The following EFCAB5 variants were observed in gnomAD, a reference collection of about 807,000 sequenced individuals.
The protein encoded by EFCAB5 is EF-hand calcium-binding domain-containing protein 5.
EFCAB5 carries 131 observed loss-of-function variants against 167.9 expected under a neutral mutation model. The ratio of observed to expected loss-of-function variants is 0.78; its 90% CI spans 0.68 to 0.90. EFCAB5 has a LOEUF of 0.90. Ranked by LOEUF, EFCAB5 falls within the 40% of genes least tolerant of loss-of-function variation. The pLI is 0.00. For synonymous variants in EFCAB5, 574 were observed against 602.8 expected, an observed-to-expected ratio of 0.95 and a Z score of 0.70; for missense variants, 1,663 against 1,745.2, an observed-to-expected ratio of 0.95 and a Z score of 0.84.
At chr17:29,946,942 C>T (rs530354690) in intron 3 of EFCAB5, among the ~76,000 whole-genome samples, 39 of 152,144 alleles carry the variant, frequency 2.6e-4, no homozygotes, top group Admixed American at 7.2e-4. Flanking sequence ...AACAGCACTT[C>T]GGAAGGCCAA....
intron 7 of EFCAB5, among the ~76,000 whole-genome samples, chr17:30,021,136 AT>A (rs539917047): frequency 0.015 from 2,253 of 145,792 alleles, 30 homozygotes; most frequent in Middle Eastern, 0.032. Flanking sequence ...ATAGGAAATA[AT>A]TTTTTTTTTT....
intron 9 of EFCAB5, among the ~76,000 whole-genome samples, chr17:30,052,001 G>A (rs1456882409): frequency 6.6e-6 from 1 of 151,746 alleles, no homozygotes; most frequent in African/African-American, 2.4e-5. Context: ...TACGTTTTCA[G>A]AGATGGGGTC....
chr17:29,986,636 CATTTTTTTT>C, intron 4 of EFCAB5, among the ~76,000 whole-genome samples: 1 of 87,980 alleles, frequency 1.1e-5, no homozygotes, highest in African/African-American at 5.5e-5. Flanking sequence ...GGAGTATATT[CATTTTTTTT>C]TTTTTTTTTT....
chr17:30,095,963 A>T (rs1040407967), intron 22 of EFCAB5, among the ~76,000 whole-genome samples: 7 of 152,168 alleles, frequency 4.6e-5, no homozygotes, highest in Admixed American at 2.0e-4. Flanking sequence ...CCATTTATTT[A>T]CAAGTTGCTC....
chr17:30,102,169 G>C (rs1426112628), intron 22 of EFCAB5, among the ~76,000 whole-genome samples: 2 of 151,006 alleles, frequency 1.3e-5, no homozygotes, highest in African/African-American at 2.5e-5. Flanking sequence ...GAGAGTGAGT[G>C]GGTAGGTGTG....
intron 14 of EFCAB5, chr17:30,068,826 T>C: frequency 7.1e-7 from 1 of 1,402,432 alleles, no homozygotes. Flanking sequence ...TGAGAGATTT[T>C]CTTCTGGAAC....
intron 4 of EFCAB5, among the ~76,000 whole-genome samples, chr17:29,971,107 A>T: frequency 6.6e-6 from 1 of 151,706 alleles, no homozygotes. Context: ...TAGGTTTTGT[A>T]TCTCTTTTAT....
intron 7 of EFCAB5, among the ~76,000 whole-genome samples, chr17:30,013,116 G>A (rs2068946943): frequency 6.6e-6 from 1 of 152,076 alleles, no homozygotes; most frequent in African/African-American, 2.4e-5. Context: ...ATTGATTTGT[G>A]TATGTTGAAC....
intron 3 of EFCAB5, among the ~76,000 whole-genome samples, chr17:29,959,236 C>T (rs761466411): frequency 2.0e-5 from 3 of 151,992 alleles, no homozygotes; most frequent in African/African-American, 4.8e-5. Flanking sequence ...TTCAGGGCAA[C>T]GAGTTCCTTT....
In EFCAB5 at chr17:29,943,667, C is replaced by T; in HGVS notation, c.190+18C>T. ...ATCCCAAGGTAGAGAACTAGCCTTTCTCTTATACAATAGAATCTAAAACTG... is the reference window on the plus strand; with the variant it reads ...ATCCCAAGGTAGAGAACTAGCCTTTTTCTTATACAATAGAATCTAAAACTG... On this transcript the variant is annotated intron_variant, in intron 3 of 22. Transcript: ENST00000394835. The T allele has an allele frequency of 1.9e-6, 3 of 1,555,158 alleles. No individual in the cohort carries two copies. The highest frequency in any genetic ancestry group is 2.6e-6 in the Non-Finnish European group (3 of 1,148,002).
chr17:29,971,252 C>T (rs1193538273), intron 4 of EFCAB5, among the ~76,000 whole-genome samples: 1 of 152,096 alleles, frequency 6.6e-6, no homozygotes, highest in East Asian at 1.9e-4. Context: ...TTGTACCCTG[C>T]TACCTTACTG....
chr17:30,044,065 A>G (rs2069850092), intron 8 of EFCAB5, among the ~76,000 whole-genome samples: 1 of 152,196 alleles, frequency 6.6e-6, no homozygotes, highest in Non-Finnish European at 1.5e-5. Flanking sequence ...CGGACCATAT[A>G]AAGACTCCTA....
At chr17:29,951,537 A>G (rs2060059317) in intron 3 of EFCAB5, among the ~76,000 whole-genome samples, 1 of 147,100 alleles carries the variant, frequency 6.8e-6, no homozygotes, top group African/African-American at 2.5e-5. Context: ...TTTTTTTTTT[A>G]GTAGAGACGG....
chr17:30,099,428 T>TA (rs56120836), intron 22 of EFCAB5, among the ~76,000 whole-genome samples: 46,358 of 149,740 alleles, frequency 0.31, 8,910 homozygotes, highest in East Asian at 0.81. Flanking sequence ...CTTAATCTCT[T>TA]AAAAAAAAAA....
At chr17:29,930,618 A>C (rs946101954) in intron 1 of EFCAB5, among the ~76,000 whole-genome samples, 1 of 152,084 alleles carries the variant, frequency 6.6e-6, no homozygotes, top group African/African-American at 2.4e-5. Flanking sequence ...CGGAGTTTCA[A>C]ACCCTCTCAC....
chr17:30,030,595 G>C (rs920921962), intron 7 of EFCAB5, among the ~76,000 whole-genome samples: 1 of 152,152 alleles, frequency 6.6e-6, no homozygotes, highest in African/African-American at 2.4e-5. Context: ...CGCCCACCTC[G>C]GCCTCCCAAG....
upstream of EFCAB5, among the ~76,000 whole-genome samples, chr17:29,938,722 C>T (rs1195182448): frequency 5.3e-5 from 8 of 152,212 alleles, no homozygotes; most frequent in Admixed American, 5.2e-4. Flanking sequence ...AGAAGACACT[C>T]CTCATTCATT....
At chr17:29,940,384 G>C (rs572391836), upstream of EFCAB5, among the ~76,000 whole-genome samples, 43 of 152,156 alleles carry the variant, frequency 2.8e-4, no homozygotes, top group African/African-American at 9.6e-4. Flanking sequence ...GACTAAACTG[G>C]GAACTCTTTA....
At chr17:29,959,467 G>A (rs1042358697) in intron 3 of EFCAB5, among the ~76,000 whole-genome samples, 1 of 151,852 alleles carries the variant, frequency 6.6e-6, no homozygotes, top group African/African-American at 2.4e-5. Flanking sequence ...AGCCTGCACG[G>A]CACTGGGTCT....
Sources: gnomAD v4.1 joint callset for allele counts (sites outside exome capture counted in the v4.1 genomes callset) on GRCh38, gnomAD v4.1.1 for gene constraint, MANE v1.5 for transcripts, NCBI Gene and HGNC (gene_info 2026-07-23, HGNC 2026-07-21) for gene names.